The following TPD52 variants were observed in gnomAD, a reference collection of about 807,000 sequenced individuals.
TPD52 encodes the protein prostate and colon associated protein.
Under a neutral mutation model 31.3 loss-of-function variants are expected in TPD52, and 17 were observed. The ratio of observed to expected loss-of-function variants is 0.54; its 90% CI spans 0.37 to 0.82. The LOEUF (loss-of-function observed/expected upper bound fraction) is 0.82. Ranked by LOEUF, TPD52 falls within the 40% of genes least tolerant of loss-of-function variation. The pLI is 0.00. For missense variants in TPD52, 212 were observed against 240.1 expected (o/e 0.88, Z 0.77); for synonymous variants, 83 against 89.6 (o/e 0.93, Z 0.42).
chr8:80,128,120 T>G (rs1012553670), intron 1 of TPD52, among the ~76,000 whole-genome samples: 5 of 152,118 alleles, frequency 3.3e-5, no homozygotes, highest in African/African-American at 1.2e-4. Flanking sequence ...CATTACTAAG[T>G]AAACAAAAGA....
chr8:80,092,893 TGGAATAAAGGTGGAAGGG>T (rs1816394626), intron 1 of TPD52, among the ~76,000 whole-genome samples: 1 of 150,252 alleles, frequency 6.7e-6, no homozygotes, highest in African/African-American at 2.4e-5. Context: ...GAATAAAGGA[TGGAATAAAGGTGGAAGGG>T]GGAATAAAGA....
intron 1 of TPD52, among the ~76,000 whole-genome samples, chr8:80,071,793 C>G (rs957750620): frequency 3.3e-5 from 5 of 152,252 alleles, no homozygotes; most frequent in Admixed American, 1.3e-4. Flanking sequence ...ATTCCTCAAC[C>G]TGCCCCAACA....
At chr8:80,146,468 C>T (rs923208176) in intron 1 of TPD52, among the ~76,000 whole-genome samples, 23 of 152,210 alleles carry the variant, frequency 1.5e-4, no homozygotes, top group African/African-American at 5.5e-4. Flanking sequence ...TCCAGGTTAG[C>T]CTCAGCTTAG....
At chr8:80,073,216 A>G (rs1471493935) in intron 1 of TPD52, among the ~76,000 whole-genome samples, 1 of 152,224 alleles carries the variant, frequency 6.6e-6, no homozygotes, top group African/African-American at 2.4e-5. Flanking sequence ...TTATGGTAGA[A>G]TATACAACAA....
chr8:80,053,998 C>T (rs762044957), intron 2 of TPD52, among the ~76,000 whole-genome samples: 5 of 152,096 alleles, frequency 3.3e-5, no homozygotes, highest in African/African-American at 4.8e-5. Context: ...TAAATCAAAC[C>T]GCCTCCTCAG....
At chr8:80,116,854 AAATC>A (rs1240657731) in intron 1 of TPD52, among the ~76,000 whole-genome samples, 2 of 152,230 alleles carry the variant, frequency 1.3e-5, no homozygotes, top group Non-Finnish European at 2.9e-5. Context: ...TAACATCCAA[AAATC>A]AATCAATGTA....
At chr8:80,042,512 T>C (rs989880870) in intron 7 of TPD52, 108 bp downstream of exon 7, 3 of 1,508,936 alleles carry the variant, frequency 2.0e-6, no homozygotes, top group African/African-American at 2.8e-5. Context: ...ATTTACATTC[T>C]TTAGATATTT....
chr8:80,053,209 TCCCC>T, intron 3 of TPD52, 69 bp downstream of exon 3: 4 of 1,497,268 alleles, frequency 2.7e-6, no homozygotes, highest in Admixed American at 2.0e-5. Flanking sequence ...CTCTTTTTCT[TCCCC>T]TCTCCAGACA....
At chr8:80,140,989 A>AGTGTGT (rs1809795004) in intron 1 of TPD52, among the ~76,000 whole-genome samples, 1 of 94,634 alleles carries the variant, frequency 1.1e-5, no homozygotes, top group Non-Finnish European at 2.3e-5. Flanking sequence ...GTGTGTAGAA[A>AGTGTGT]GAGTATCAAT....
intron 1 of TPD52, among the ~76,000 whole-genome samples, chr8:80,162,734 A>G (rs780230558): frequency 6.6e-6 from 1 of 152,140 alleles, no homozygotes; most frequent in Admixed American, 6.5e-5. Flanking sequence ...ATATATATAA[A>G]AAAGTCGTAC....
rs1810013573 is a variant in TPD52 at position 80,037,810 on chromosome 8, A to T, written c.*306T>A. On this transcript the variant is annotated 3_prime_UTR_variant, in exon 8 of 8. Transcript: ENST00000518937. ...CAGATCTGGAGCAATTTTGTAAAGC[A>T]GGAAAACAACTATGACAATCTGTAG... The T allele has an allele frequency of 4.6e-6, 1 of 219,030 alleles. No individual in the cohort carries two copies. The highest frequency in any genetic ancestry group is 8.9e-6 in the Non-Finnish European group (1 of 112,176). 13.6% of individuals were successfully genotyped at this position (219,030 alleles called of 1,614,324 possible).
At position 80,051,557 on chromosome 8, in the gene TPD52, G is replaced by T; in HGVS notation, c.356C>A (p.Ser119Ter). 1 of 1,613,734 alleles carries T rather than the reference G, an allele frequency of 6.2e-7. No individual in the cohort carries two copies. The highest frequency in any genetic ancestry group is 8.5e-7 in the Non-Finnish European group (1 of 1,179,782). The change falls in exon 4 of 8, where the codon TCA becomes TAA. Residue 119 changes from serine (S) to a stop codon, truncating the protein, a stop_gained. Coordinates refer to ENST00000518937, the MANE Select transcript of TPD52 (RefSeq NM_001025253.3). LOFTEE classifies it high-confidence loss of function. ...ATCTTCCAGCTTTTTGGTGATGACT[G>T]AGCCAACAGACGAAAAAGCAGCTGA... The part of the protein sequence containing the change: ...KASAAFSSVG[S>*]VITKKLEDVK...
chr8:80,138,155 C>A (rs1809567600), intron 1 of TPD52, among the ~76,000 whole-genome samples: 2 of 152,002 alleles, frequency 1.3e-5, no homozygotes, highest in South Asian at 4.2e-4. Context: ...GTTGGTCAGG[C>A]TGGTGGTGAA....
chr8:80,031,275 GCTCT>G (rs920754272), downstream of TPD52, among the ~76,000 whole-genome samples: 23 of 152,288 alleles, frequency 1.5e-4, no homozygotes, highest in South Asian at 8.3e-4. Flanking sequence ...CTTTTCTGAT[GCTCT>G]CTAATGGTAC....
intron 1 of TPD52, among the ~76,000 whole-genome samples, chr8:80,112,494 T>A (rs1011629397): frequency 2.0e-5 from 3 of 152,132 alleles, no homozygotes; most frequent in African/African-American, 7.2e-5. Flanking sequence ...CCCAAGTGAT[T>A]CTGGTATGAG....
chr8:80,063,434 A>C (rs1812765407), intron 2 of TPD52, among the ~76,000 whole-genome samples: 1 of 152,178 alleles, frequency 6.6e-6, no homozygotes, highest in Admixed American at 6.5e-5. Flanking sequence ...GAATACAGGG[A>C]TCTCTTTGGA....
chr8:80,067,422 C>A (rs891570374), intron 1 of TPD52: 1 of 152,210 alleles, frequency 6.6e-6, no homozygotes, highest in African/African-American at 2.4e-5. Context: ...ACCAAAATCA[C>A]CAGCAAAACA....
chr8:80,057,265 C>T (rs1028474969), intron 2 of TPD52, among the ~76,000 whole-genome samples: 1 of 152,188 alleles, frequency 6.6e-6, no homozygotes, highest in Non-Finnish European at 1.5e-5. Flanking sequence ...TCCTAAAGTT[C>T]AGCCACTGTG....
At chr8:80,160,901 A>G (rs1185248272) in intron 1 of TPD52, among the ~76,000 whole-genome samples, 1 of 149,842 alleles carries the variant, frequency 6.7e-6, no homozygotes, top group African/African-American at 2.5e-5. Context: ...AAAAAAAAAA[A>G]AAAAAAAAAA....
Sources: gnomAD v4.1 joint callset for allele counts (sites outside exome capture counted in the v4.1 genomes callset) on GRCh38, gnomAD v4.1.1 for gene constraint, MANE v1.5 for transcripts, NCBI Gene and HGNC (gene_info 2026-07-23, HGNC 2026-07-21) for gene names.